ANO10: variants seen among roughly 807,000 people sequenced by gnomAD.
ANO10 encodes anoctamin 10, also known as anoctamin-10.
ANO10 carries 77 observed loss-of-function variants against 74.7 expected under a neutral mutation model. That is an observed-to-expected ratio of 1.03 (90% CI 0.86 to 1.25). The LOEUF (loss-of-function observed/expected upper bound fraction) is 1.25, where lower values mean the gene tolerates loss of function less well. Ranked by LOEUF, ANO10 falls within the 50% of genes most tolerant of loss-of-function variation. ANO10 has a pLI of 0.00. For missense variants in ANO10, 721 were observed against 778.1 expected (o/e 0.93, Z 0.87); for synonymous variants, 279 against 284.9 (o/e 0.98, Z 0.21).
intron 11 of ANO10, among the ~76,000 whole-genome samples, chr3:43,464,571 T>C (rs914075377): frequency 6.6e-6 from 1 of 151,992 alleles, no homozygotes; most frequent in Non-Finnish European, 1.5e-5. Context: ...TCCCAGCAAC[T>C]TGGGAGGCTG....
In ANO10 at chr3:43,582,931, A is replaced by G. The variant is rs542927434; in HGVS notation, c.473-2459T>C. Reference sequence around the variant, plus strand: ...ATTCTTATTCCTTATTTGGGGATGTACAGGCTACAGCTGATTCCTTCTTCC... The same window carrying G: ...ATTCTTATTCCTTATTTGGGGATGTGCAGGCTACAGCTGATTCCTTCTTCC... On this transcript the variant is annotated intron_variant, in intron 4 of 12. Transcript: ENST00000292246. Among the ~76,000 whole-genome samples the G allele has an allele frequency of 2.6e-5, 4 of 152,346 alleles. No homozygotes were observed. In the South Asian group the frequency reaches 8.3e-4, roughly 32 times the overall value.
chr3:43,667,908 T>A (rs2149576004), intron 1 of ANO10, among the ~76,000 whole-genome samples: 1 of 152,274 alleles, frequency 6.6e-6, no homozygotes, highest in Non-Finnish European at 1.5e-5. Context: ...CATGTGTGTG[T>A]AAGTATCTTT....
At chr3:43,382,481 T>G (rs62250908) in intron 12 of ANO10, among the ~76,000 whole-genome samples, 1 of 147,438 alleles carries the variant, frequency 6.8e-6, no homozygotes, top group African/African-American at 2.5e-5. Context: ...ATCGCGCCAC[T>G]GCACTCCAGC....
intron 1 of ANO10, among the ~76,000 whole-genome samples, chr3:43,628,715 C>A (rs1237134980): frequency 6.6e-6 from 1 of 152,090 alleles, no homozygotes; most frequent in Non-Finnish European, 1.5e-5. Context: ...ATAGATGGCC[C>A]CCCCGGGTGT....
intron 12 of ANO10, among the ~76,000 whole-genome samples, chr3:43,405,952 T>C (rs1366599724): frequency 6.6e-6 from 1 of 152,194 alleles, no homozygotes; most frequent in Non-Finnish European, 1.5e-5. Flanking sequence ...CCAAGTTGCA[T>C]AGTAGTTAAG....
chr3:43,539,382 C>T (rs988290220), intron 11 of ANO10, among the ~76,000 whole-genome samples: 5 of 152,064 alleles, frequency 3.3e-5, no homozygotes, highest in South Asian at 2.1e-4. Context: ...TTTTTTATCT[C>T]CCCATTAAAA....
At chr3:43,445,780 A>G (rs1189467595) in intron 11 of ANO10, among the ~76,000 whole-genome samples, 1 of 152,000 alleles carries the variant, frequency 6.6e-6, no homozygotes, top group Non-Finnish European at 1.5e-5. Context: ...GCTCACTACA[A>G]CCTCTGCTTG....
intron 9 of ANO10, among the ~76,000 whole-genome samples, chr3:43,558,921 T>C (rs1463750524): frequency 2.0e-5 from 3 of 151,698 alleles, no homozygotes; most frequent in Non-Finnish European, 2.9e-5. Flanking sequence ...CAAAAAGGAG[T>C]GGCACTGTAA....
chr3:43,673,311 A>C (rs2084082252), intron 1 of ANO10, among the ~76,000 whole-genome samples: 1 of 152,254 alleles, frequency 6.6e-6, no homozygotes, highest in Non-Finnish European at 1.5e-5. Flanking sequence ...CAGACTAAAC[A>C]GAATGGATAT....
chr3:43,640,977 C>G (rs573434375), intron 1 of ANO10, among the ~76,000 whole-genome samples: 12 of 152,302 alleles, frequency 7.9e-5, no homozygotes, highest in Admixed American at 4.6e-4. Flanking sequence ...TCAGCCAACG[C>G]TAGCATACAC....
intron 5 of ANO10, 28 bp downstream of exon 5, chr3:43,580,325 C>T (rs1342462389): frequency 1.2e-6 from 2 of 1,613,220 alleles, no homozygotes; most frequent in Admixed American, 1.7e-5. Context: ...CCTTCCTCTT[C>T]TTTAAGAGAA....
chr3:43,469,684 C>T (rs137940451), intron 11 of ANO10, among the ~76,000 whole-genome samples: 94 of 152,280 alleles, frequency 6.2e-4, no homozygotes, highest in African/African-American at 2.2e-3. Context: ...AAGTCCATGG[C>T]CTTCAGTCTC....
At chr3:43,375,767 C>T (rs1280265009) in intron 12 of ANO10, among the ~76,000 whole-genome samples, 1 of 151,104 alleles carries the variant, frequency 6.6e-6, no homozygotes, top group Non-Finnish European at 1.5e-5. Flanking sequence ...TTATTCCCCC[C>T]TTGTCCATGG....
intron 4 of ANO10, among the ~76,000 whole-genome samples, chr3:43,592,464 G>A (rs1002917680): frequency 1.3e-5 from 2 of 152,196 alleles, no homozygotes; most frequent in African/African-American, 2.4e-5. Context: ...TGCAGCCTCC[G>A]CTGGTGGTAC....
intron 11 of ANO10, among the ~76,000 whole-genome samples, chr3:43,435,132 T>C (rs1434662691): frequency 6.6e-6 from 1 of 152,236 alleles, no homozygotes; most frequent in Non-Finnish European, 1.5e-5. Context: ...TGATTGCTCA[T>C]TTGCCCAGTA....
At chr3:43,446,089 G>C (rs1290800209) in intron 11 of ANO10, among the ~76,000 whole-genome samples, 1 of 152,170 alleles carries the variant, frequency 6.6e-6, no homozygotes, top group African/African-American at 2.4e-5. Context: ...AGAATTCTTA[G>C]AGTGGGTGAT....
At chr3:43,388,114 A>G (rs1310219958) in intron 12 of ANO10, among the ~76,000 whole-genome samples, 1 of 152,186 alleles carries the variant, frequency 6.6e-6, no homozygotes, top group Non-Finnish European at 1.5e-5. Flanking sequence ...CAAAGAAATG[A>G]AAGACCCTGG....
chr3:43,675,124 G>C (rs143692828), intron 1 of ANO10, among the ~76,000 whole-genome samples: 1 of 152,102 alleles, frequency 6.6e-6, no homozygotes, highest in African/African-American at 2.4e-5. Context: ...AATGATTTAA[G>C]AACTATTGTT....
Position 43,374,654 on chromosome 3 carries a change from C to G in ANO10, c.1915-7680G>C, listed in dbSNP as rs149505416. ...CACACTTCTAATCCATGAGATCTTG[C>G]GAGTATCTCTGAATTATTGGTGTGG... On this transcript the variant is annotated intron_variant, in intron 12 of 12. Coordinates refer to ENST00000292246, the MANE Select transcript of ANO10 (RefSeq NM_018075.5). Among the ~76,000 whole-genome samples the G allele has an allele frequency of 5.1e-3, 775 of 152,266 alleles. 5 individuals are homozygous for G. The highest frequency in any genetic ancestry group is 0.018 in the African/African-American group (746 of 41,540).
Sources: gnomAD v4.1 joint callset for allele counts (sites outside exome capture counted in the v4.1 genomes callset) on GRCh38, gnomAD v4.1.1 for gene constraint, MANE v1.5 for transcripts, NCBI Gene and HGNC (gene_info 2026-07-23, HGNC 2026-07-21) for gene names.